The following OSCAR variants were observed in gnomAD, a reference collection of about 807,000 sequenced individuals.
The protein encoded by OSCAR is osteoclast associated Ig-like receptor, also known as osteoclast-associated immunoglobulin-like receptor.
Under a neutral mutation model 27.3 loss-of-function variants are expected in OSCAR, and 25 were observed. That is an observed-to-expected ratio of 0.92 (90% CI 0.67 to 1.28). The LOEUF (loss-of-function observed/expected upper bound fraction) is 1.28. Ranked by LOEUF, OSCAR falls within the 50% of genes most tolerant of loss-of-function variation. The pLI, the probability that OSCAR is intolerant of heterozygous loss-of-function variation, is 0.00. For missense variants in OSCAR, 354 were observed against 355.1 expected, an observed-to-expected ratio of 1.00 and a Z score of 0.03; for synonymous variants, 158 against 165.7, an observed-to-expected ratio of 0.95 and a Z score of 0.36.
intron 3 of OSCAR, 43 bp from the exon 4 acceptor site, chr19:54,096,196 CCGCT>C (rs1205776162): frequency 2.5e-5 from 36 of 1,438,888 alleles, no homozygotes; most frequent in East Asian, 2.4e-4. Context: ...TGAGCGTCTT[CCGCT>C]CGCTCGCTCG....
chr19:54,096,263 T>C (rs992282298), intron 3 of OSCAR, 110 bp from the exon 4 acceptor site: 9 of 981,270 alleles, frequency 9.2e-6, no homozygotes, highest in African/African-American at 5.2e-5. Context: ...TCTCTCTCTC[T>C]TTCTGCCTCT....
In OSCAR at chr19:54,096,270, C is replaced by G. The variant is rs2072690306; in HGVS notation, c.374-117G>C. 3.3e-6 allele frequency: 3 copies of G among 900,006 alleles called. No individual in the cohort carries two copies. The South Asian group carries it at 5.4e-5, about 16-fold the overall frequency. The allele number at this position is 900,006 out of a possible 1,614,324, so 55.8% of individuals were successfully genotyped here. On this transcript the variant is annotated intron_variant, in intron 3 of 4. Transcript: ENST00000358375. ...TCTGTGCCTCTCTCTCTCTTTCTGC[C>G]TCTCTTTCTCTCTGCCTGTCTCTCT... is the stretch of plus-strand genomic sequence containing the variant.
intron 2 of OSCAR, 198 bp downstream of exon 2, chr19:54,099,550 T>C (rs1255717670): frequency 1.3e-6 from 2 of 1,530,626 alleles, no homozygotes; most frequent in Non-Finnish European, 1.8e-6. Context: ...GGTCCTAGCT[T>C]AGGCCTCTGC....
chr19:54,099,536 C>T, intron 2 of OSCAR: 2 of 1,477,052 alleles, frequency 1.4e-6, no homozygotes, highest in Non-Finnish European at 1.9e-6. Flanking sequence ...GATGGTGAAA[C>T]TGAGGTCCTA....
Position 54,095,103 on chromosome 19 carries a change from C to T in OSCAR, c.*118G>A. 1 of 1,444,966 alleles carries T rather than the reference C, an allele frequency of 6.9e-7. No individual in the cohort carries two copies. The highest frequency in any genetic ancestry group is 1.4e-5 in the African/African-American group (1 of 70,070). 89.5% of individuals were successfully genotyped at this position (1,444,966 alleles called of 1,614,324 possible). A position where few individuals can be genotyped will look rare whatever the true frequency, so the allele number is the denominator to read the frequency against. ...CACAGGGCACAGCGGGGTCTAAGGA[C>T]CGTTCCGCGGAGCTCAGCCAGCAGG... is the stretch of plus-strand genomic sequence containing the variant. On this transcript the variant is annotated 3_prime_UTR_variant, in exon 5 of 5. Transcript: ENST00000358375.
chr19:54,099,650 A>G (rs753875034), intron 2 of OSCAR, 98 bp downstream of exon 2: 1 of 1,613,734 alleles, frequency 6.2e-7, no homozygotes, highest in East Asian at 2.2e-5. Context: ...GGAGGAAAAT[A>G]AGGATATCTG....
intron 2 of OSCAR, chr19:54,099,485 G>A: frequency 1.8e-6 from 2 of 1,122,536 alleles, no homozygotes; most frequent in Non-Finnish European, 2.7e-6. Flanking sequence ...TTAGCAAGCT[G>A]TGACTTGTTC....
At position 54,097,083 on chromosome 19, in the gene OSCAR, A is replaced by C. The variant is rs756281955; in HGVS notation, c.152T>G (p.Leu51Trp). The change falls in exon 3 of 5, where the codon TTG (leucine) becomes TGG (tryptophan). Residue 51 changes from leucine (L) to tryptophan (W), a missense_variant. Transcript: ENST00000358375. The part of the protein sequence containing the change: ...TVVTPGVNVT[L>W]RCRAPQPAWR... ...AGCGGGTTGGGGTGCCCGGCATCTC[A>C]AGGTCACGTTGACCCCAGGGGTCAC... is the stretch of plus-strand genomic sequence containing the variant. 3.7e-5 allele frequency: 59 copies of C among 1,614,006 alleles called. 1 individual carries two copies. In the Admixed American group the frequency reaches 9.7e-4, roughly 26 times the overall value.
intron 2 of OSCAR, among the ~76,000 whole-genome samples, chr19:54,099,195 T>A (rs1205841285): frequency 6.9e-6 from 1 of 145,588 alleles, no homozygotes; most frequent in Non-Finnish European, 1.5e-5. Flanking sequence ...CCTGAGTAGC[T>A]GGGATTACAG....
chr19:54,097,166 T>A lies in OSCAR; in HGVS notation c.71-2A>T. On this transcript the variant is annotated splice_acceptor_variant, in intron 2 of 4. Coordinates refer to ENST00000358375, the MANE Select transcript of OSCAR (RefSeq NM_133169.6). LOFTEE classifies it high-confidence loss of function. The stretch of plus-strand genomic sequence containing the variant: ...TAGGGTGGTATGAAGCTGGGGGGAC[T>A]GAATAAACGGGGCTGCCTGGGTCCT... 4 of 1,608,564 alleles carry A rather than the reference T, an allele frequency of 2.5e-6. No individual in the cohort carries two copies. The highest frequency in any genetic ancestry group is 2.6e-6 in the Non-Finnish European group (3 of 1,176,000).
At chr19:54,096,635 T>C (rs1305721391) in intron 3 of OSCAR, among the ~76,000 whole-genome samples, 1 of 145,696 alleles carries the variant, frequency 6.9e-6, no homozygotes, top group African/African-American at 2.5e-5. Context: ...TCTCTCTGCC[T>C]CCCTTTCTCC....
At chr19:54,097,563 G>A (rs1399853944) in intron 2 of OSCAR, among the ~76,000 whole-genome samples, 2 of 141,718 alleles carry the variant, frequency 1.4e-5, no homozygotes, top group South Asian at 2.2e-4. Context: ...AAGTTTACAA[G>A]CTTGTGCCAC....
At position 54,098,505 on chromosome 19, in the gene OSCAR, A is replaced by C. The variant is rs587703650; in HGVS notation, c.70+1243T>G. On this transcript the variant is annotated intron_variant, in intron 2 of 4. Coordinates refer to ENST00000358375, the MANE Select transcript of OSCAR (RefSeq NM_133169.6). ...CTTGAACCCTAGAGTCGGAGGCTGC[A>C]GTTAGCTGAGATCATGCCACTGCAC... 3.9e-5 allele frequency among the ~76,000 whole-genome samples: 6 copies of C among 152,268 alleles called. No individual in the cohort carries two copies. In the South Asian group the frequency reaches 1.2e-3, roughly 32 times the overall value.
chr19:54,100,745 G>T lies in OSCAR; in HGVS notation c.37+11C>A. The T allele has an allele frequency of 6.4e-7, 1 of 1,551,748 alleles. No individual in the cohort carries two copies. Among genetic ancestry groups the T allele is most frequent in the Non-Finnish European group, 8.7e-7 (1 of 1,146,976 alleles). ...AGCCAGGAACCCAGGGAGAAGAAAG[G>T]GGTGACTCACAGAGGGTCAGCAGCT... On this transcript the variant is annotated intron_variant, in intron 1 of 4. Coordinates refer to ENST00000358375, the MANE Select transcript of OSCAR (RefSeq NM_133169.6).
chr19:54,095,598 G>C, intron 4 of OSCAR: 1 of 1,140,112 alleles, frequency 8.8e-7, no homozygotes, highest in South Asian at 1.6e-5. Flanking sequence ...AGGAGGGGCT[G>C]GGGGCCTGGA....
rs117050289 is a variant in OSCAR, at chr19:54,094,700, G to A, written c.*521C>T. The A allele has an allele frequency of 0.023, 3,531 of 152,628 alleles. 61 individuals are homozygous for A. Among genetic ancestry groups the A allele is most frequent in the Non-Finnish European group, 0.033 (2,241 of 68,292 alleles). The allele number at this position is 152,628 out of a possible 1,614,324, so 9.5% of individuals were successfully genotyped here. ...CAGCAAGATTTATTGTGTAGAGCAAGAGAACAAAGCTCCCACAACGTGGAA... is the reference window on the plus strand; with the variant it reads ...CAGCAAGATTTATTGTGTAGAGCAAAAGAACAAAGCTCCCACAACGTGGAA... On this transcript the variant is annotated 3_prime_UTR_variant, in exon 5 of 5. Coordinates refer to ENST00000358375, the MANE Select transcript of OSCAR (RefSeq NM_133169.6).
At position 54,097,068 on chromosome 19, in the gene OSCAR, G is replaced by A. The variant is rs762845379; in HGVS notation, c.167C>T (p.Pro56Leu). 1.9e-6 allele frequency: 3 copies of A among 1,614,068 alleles called. No homozygotes were observed. The South Asian group carries it at 3.3e-5, about 18-fold the overall frequency. ...AAGTCCAAATCTCCAAGCGGGTTGG[G>A]GTGCCCGGCATCTCAAGGTCACGTT... ...GVNVTLRCRA[P>L]QPAWRFGLFK... The change falls in exon 3 of 5, where the codon CCC becomes CTC. Residue 56 changes from proline to leucine, a missense_variant. Coordinates refer to ENST00000358375, the MANE Select transcript of OSCAR (RefSeq NM_133169.6).
Position 54,096,111 on chromosome 19 carries a change from A to G in OSCAR, c.416T>C (p.Val139Ala). The stretch of plus-strand genomic sequence containing the variant: ...GCTCACGTTGGCGCCAGGACCCACC[A>G]CCGGCCCGGGCAGCGCCACCAGCGA... ...RPSLVALPGP[V>A]VGPGANVSLR... is the part of the protein sequence containing the mutation. Residue 139 changes from valine to alanine, a missense_variant, in exon 4 of 5, where the codon GTG (valine) becomes GCG (alanine). By Grantham distance (64) the Val-to-Ala change is moderately conservative. Transcript: ENST00000358375. The G allele has an allele frequency of 1.3e-6, 2 of 1,528,774 alleles. No homozygotes were observed. Among genetic ancestry groups the G allele is most frequent in the Non-Finnish European group, 1.7e-6 (2 of 1,144,124 alleles). The allele number at this position is 1,528,774 out of a possible 1,614,324, so 94.7% of individuals were successfully genotyped here.
chr19:54,100,127 C>A (rs1270475463), intron 1 of OSCAR, among the ~76,000 whole-genome samples: 1 of 152,128 alleles, frequency 6.6e-6, no homozygotes, highest in Non-Finnish European at 1.5e-5. Flanking sequence ...ACAGCGAGTT[C>A]TTTTCAAAAC....
Sources: gnomAD v4.1 joint callset for allele counts (sites outside exome capture counted in the v4.1 genomes callset) on GRCh38, gnomAD v4.1.1 for gene constraint, MANE v1.5 for transcripts, NCBI Gene and HGNC (gene_info 2026-07-23, HGNC 2026-07-21) for gene names.